LSAMP: variants seen among roughly 807,000 people sequenced by gnomAD.
LSAMP encodes the protein limbic system associated membrane protein.
A neutral mutation model predicts 38.6 loss-of-function variants in LSAMP; 7 were observed. The observed-to-expected ratio is 0.18, with a 90% CI of 0.10 to 0.34. LSAMP has a LOEUF of 0.34. Among genes scored for constraint, LSAMP ranks in the 10% least tolerant of loss-of-function variants. The pLI is 1.00. For synonymous variants in LSAMP, 154 were observed against 166.8 expected (o/e 0.92, Z 0.59); for missense variants, 313 against 420.0 (o/e 0.75, Z 2.23).
intron 3 of LSAMP, among the ~76,000 whole-genome samples, chr3:116,014,265 G>T (rs1477738894): frequency 6.6e-6 from 1 of 152,094 alleles, no homozygotes; most frequent in East Asian, 1.9e-4. Flanking sequence ...TTTGTGCAAG[G>T]ACCATGTCTG....
chr3:116,085,825 C>A (rs979432046), intron 2 of LSAMP, among the ~76,000 whole-genome samples: 2 of 152,092 alleles, frequency 1.3e-5, no homozygotes, highest in African/African-American at 4.8e-5. Flanking sequence ...TACATAGAAA[C>A]CTGAACAGCT....
At chr3:116,369,537 A>G (rs561088268) in intron 1 of LSAMP, among the ~76,000 whole-genome samples, 1 of 152,288 alleles carries the variant, frequency 6.6e-6, no homozygotes, top group African/African-American at 2.4e-5. Context: ...TCTAGAATGA[A>G]TAAGTTTAGA....
rs115725915 is a variant in LSAMP at position 116,006,514 on chromosome 3, G to T, written c.514+13001C>A. Reference sequence around the variant, plus strand: ...TGGGATTATTTAGTTATATTAAGTAGGTGGGCTTTTAGAAGTCATATATAT... The same window carrying T: ...TGGGATTATTTAGTTATATTAAGTATGTGGGCTTTTAGAAGTCATATATAT... On this transcript the variant is annotated intron_variant, in intron 3 of 6. Coordinates refer to ENST00000490035, the MANE Select transcript of LSAMP (RefSeq NM_002338.5). Among the ~76,000 whole-genome samples, 603 of 152,204 alleles carry T rather than the reference G, an allele frequency of 4.0e-3. 6 individuals carry two copies. Among genetic ancestry groups the T allele is most frequent in the African/African-American group, 0.013 (553 of 41,548 alleles).
chr3:116,406,343 C>A (rs1305695011), intron 1 of LSAMP, among the ~76,000 whole-genome samples: 1 of 151,994 alleles, frequency 6.6e-6, no homozygotes, highest in Non-Finnish European at 1.5e-5. Context: ...TTTATACTAC[C>A]CAGTATAGCT....
At chr3:115,824,882 A>G (rs1699340320) in intron 6 of LSAMP, among the ~76,000 whole-genome samples, 1 of 152,170 alleles carries the variant, frequency 6.6e-6, no homozygotes, top group Non-Finnish European at 1.5e-5. Flanking sequence ...CTTGGTAAGA[A>G]AGATTAAAAA....
chr3:116,349,774 C>T (rs557251675), intron 1 of LSAMP, among the ~76,000 whole-genome samples: 12 of 151,738 alleles, frequency 7.9e-5, no homozygotes, highest in East Asian at 1.9e-4. Context: ...AATGAGGCAA[C>T]GATGGTTAAG....
intron 2 of LSAMP, among the ~76,000 whole-genome samples, chr3:116,081,206 G>A (rs1369925023): frequency 6.6e-6 from 1 of 152,182 alleles, no homozygotes; most frequent in Non-Finnish European, 1.5e-5. Flanking sequence ...GCTCATGCCT[G>A]TATTCCCAGC....
intron 1 of LSAMP, among the ~76,000 whole-genome samples, chr3:116,131,632 C>T (rs1169271024): frequency 6.6e-6 from 1 of 152,082 alleles, no homozygotes; most frequent in Non-Finnish European, 1.5e-5. Flanking sequence ...AAGTGGTCAT[C>T]CTACATTTGC....
At chr3:116,249,006 G>C (rs775695290) in intron 1 of LSAMP, among the ~76,000 whole-genome samples, 1 of 151,866 alleles carries the variant, frequency 6.6e-6, no homozygotes, top group East Asian at 1.9e-4. Context: ...AAAATTAGCC[G>C]GGCATGGTGG....
intron 1 of LSAMP, among the ~76,000 whole-genome samples, chr3:116,333,754 A>G (rs2047884138): frequency 6.6e-6 from 1 of 152,034 alleles, no homozygotes; most frequent in Non-Finnish European, 1.5e-5. Context: ...AACATATGGG[A>G]CATATTGAAA....
At chr3:116,259,668 C>T (rs867039024) in intron 1 of LSAMP, among the ~76,000 whole-genome samples, 3 of 152,016 alleles carry the variant, frequency 2.0e-5, no homozygotes, top group Admixed American at 6.6e-5. Context: ...AGCTGTGGTG[C>T]TGGTGGTGTT....
intron 1 of LSAMP, among the ~76,000 whole-genome samples, chr3:116,329,316 C>T (rs2047818254): frequency 6.6e-6 from 1 of 152,100 alleles, no homozygotes; most frequent in Non-Finnish European, 1.5e-5. Flanking sequence ...TAGAGAAGTT[C>T]ACATGCAGTG....
At chr3:116,347,285 T>G (rs1398444377) in intron 1 of LSAMP, among the ~76,000 whole-genome samples, 19 of 152,202 alleles carry the variant, frequency 1.2e-4, no homozygotes, top group Non-Finnish European at 1.6e-4. Context: ...TTGCTTCTTC[T>G]TCCCTATCCT....
At chr3:116,164,760 A>ATATATATATTTT (rs374542146) in intron 1 of LSAMP, among the ~76,000 whole-genome samples, 1 of 91,642 alleles carries the variant, frequency 1.1e-5, no homozygotes, top group Non-Finnish European at 2.0e-5. Flanking sequence ...ATATATATAT[A>ATATATATATTTT]TTTTTTTTTT....
intron 3 of LSAMP, among the ~76,000 whole-genome samples, chr3:116,001,342 T>C (rs950993851): frequency 3.9e-5 from 6 of 152,170 alleles, no homozygotes; most frequent in African/African-American, 1.4e-4. Flanking sequence ...TTATACACCA[T>C]TATGCCAAAA....
chr3:116,082,312 C>A (rs1389369112), intron 2 of LSAMP, among the ~76,000 whole-genome samples: 3 of 152,148 alleles, frequency 2.0e-5, no homozygotes, highest in African/African-American at 7.2e-5. Flanking sequence ...AGAAAACGAA[C>A]AAGCAGGGAG....
intron 3 of LSAMP, among the ~76,000 whole-genome samples, chr3:115,929,926 T>C (rs532943917): frequency 6.6e-6 from 1 of 150,724 alleles, no homozygotes; most frequent in East Asian, 2.0e-4. Flanking sequence ...GCAAAACTTC[T>C]GGAAGAGACA....
intron 6 of LSAMP, among the ~76,000 whole-genome samples, chr3:115,822,104 C>T (rs1406049061): frequency 2.0e-5 from 3 of 151,944 alleles, no homozygotes; most frequent in Non-Finnish European, 2.9e-5. Context: ...TTTCTTTTGC[C>T]ATAGAAAAGT....
intron 1 of LSAMP, among the ~76,000 whole-genome samples, chr3:116,156,031 C>T (rs1709739763): frequency 6.6e-6 from 1 of 152,132 alleles, no homozygotes; most frequent in Non-Finnish European, 1.5e-5. Context: ...ATATGAAGTG[C>T]AAGGGGCCGC....
Sources: gnomAD v4.1 joint callset for allele counts (sites outside exome capture counted in the v4.1 genomes callset) on GRCh38, gnomAD v4.1.1 for gene constraint, MANE v1.5 for transcripts, NCBI Gene and HGNC (gene_info 2026-07-23, HGNC 2026-07-21) for gene names.